The following FAM210A variants were observed in gnomAD, a reference collection of about 807,000 sequenced individuals.
The protein encoded by FAM210A is family with sequence similarity 210 member A.
A neutral mutation model predicts 25.3 loss-of-function variants in FAM210A; 13 were observed. The observed-to-expected ratio is 0.51, with a 90% CI of 0.33 to 0.82. The LOEUF (loss-of-function observed/expected upper bound fraction) is 0.82, where lower values mean the gene tolerates loss of function less well. FAM210A is among the 40% of genes least tolerant of loss of function. FAM210A has a pLI of 0.02. For synonymous variants in FAM210A, 125 were observed against 118.7 expected (o/e 1.05, Z -0.35); for missense variants, 319 against 323.2 (o/e 0.99, Z 0.10).
intron 1 of FAM210A, among the ~76,000 whole-genome samples, chr18:13,719,367 G>A (rs900356330): frequency 3.9e-5 from 6 of 152,222 alleles, no homozygotes; most frequent in Non-Finnish European, 7.3e-5. Context: ...CAAAGGCAAT[G>A]TAGAAGAAGT....
rs1302657558 is a variant in FAM210A at position 13,666,265 on chromosome 18, T to C, written c.*215A>G. On this transcript the variant is annotated 3_prime_UTR_variant, in exon 4 of 4. Transcript: ENST00000651643. Reference sequence around the variant, plus strand: ...AACCACTGCTTAATACTGCTACTGATGGCAAATTCTTAAACTGGGTTCATT... The same window carrying C: ...AACCACTGCTTAATACTGCTACTGACGGCAAATTCTTAAACTGGGTTCATT... 7.4e-6 allele frequency: 4 copies of C among 537,694 alleles called. No individual in the cohort carries two copies. The highest frequency in any genetic ancestry group is 1.0e-5 in the Non-Finnish European group (3 of 300,892). The allele number at this position is 537,694 out of a possible 1,614,324, so 33.3% of individuals were successfully genotyped here.
chr18:13,707,988 G>A (rs992408373), intron 1 of FAM210A, among the ~76,000 whole-genome samples: 4 of 152,088 alleles, frequency 2.6e-5, no homozygotes, highest in African/African-American at 7.2e-5. Context: ...CCCAATTTGC[G>A]AATAGTTCAT....
rs187460101 is a variant in FAM210A, at chr18:13,698,815, C to T, written c.-28-16710G>A. On this transcript the variant is annotated intron_variant, in intron 1 of 3. Coordinates refer to ENST00000651643, the MANE Select transcript of FAM210A (RefSeq NM_152352.4). ...CCTCCGGGGCAGCAAGGCATACCGC[C>T]CAGACCCCTCCCCCCGATACCTATA... 1.8e-3 allele frequency among the ~76,000 whole-genome samples: 270 copies of T among 152,250 alleles called. 2 individuals carry two copies. Among genetic ancestry groups the T allele is most frequent in the African/African-American group, 6.1e-3 (253 of 41,546 alleles).
At chr18:13,673,031 A>G (rs2043456432) in intron 2 of FAM210A, among the ~76,000 whole-genome samples, 1 of 151,652 alleles carries the variant, frequency 6.6e-6, no homozygotes, top group African/African-American at 2.4e-5. Flanking sequence ...GATTATTAAC[A>G]TTCCTGAGCC....
intron 1 of FAM210A, among the ~76,000 whole-genome samples, chr18:13,702,441 C>T (rs568489355): frequency 8.5e-5 from 13 of 152,332 alleles, no homozygotes; most frequent in South Asian, 4.1e-4. Flanking sequence ...TGGTCAGTAA[C>T]GAACTTTGCT....
intron 1 of FAM210A, among the ~76,000 whole-genome samples, chr18:13,715,710 GA>G (rs1294870286): frequency 1.3e-5 from 2 of 152,108 alleles, no homozygotes; most frequent in African/African-American, 2.4e-5. Flanking sequence ...TTTCTTAATG[GA>G]AAAAAGTATA....
Position 13,664,812 on chromosome 18 carries a change from T to G in FAM210A, c.*1668A>C, listed in dbSNP as rs1365203519. 1 of 152,240 alleles carries G rather than the reference T, an allele frequency of 6.6e-6. No individual in the cohort carries two copies. The highest frequency in any genetic ancestry group is 1.5e-5 in the Non-Finnish European group (1 of 68,048). 9.4% of individuals were successfully genotyped at this position (152,240 alleles called of 1,614,324 possible). A position where few individuals can be genotyped will look rare whatever the true frequency, so the allele number is the denominator to read the frequency against. The stretch of plus-strand genomic sequence containing the variant: ...AACTAAGTACTTGATATAAAAATCC[T>G]GGCAAAGAGCAGGGGTCCCTGCGGG... On this transcript the variant is annotated 3_prime_UTR_variant, in exon 4 of 4. Coordinates refer to ENST00000651643, the MANE Select transcript of FAM210A (RefSeq NM_152352.4).
intron 1 of FAM210A, among the ~76,000 whole-genome samples, chr18:13,701,339 T>C (rs1362342441): frequency 1.3e-5 from 2 of 152,198 alleles, no homozygotes; most frequent in African/African-American, 4.8e-5. Context: ...GGGTTCAGGA[T>C]CAGATTAGAT....
At position 13,671,977 on chromosome 18, in the gene FAM210A, CA is replaced by C. The variant is rs369611940; in HGVS notation, c.474-5del. On this transcript the variant is annotated splice_polypyrimidine_tract_variant and splice_region_variant and intron_variant, in intron 2 of 3. Coordinates refer to ENST00000651643, the MANE Select transcript of FAM210A (RefSeq NM_152352.4). The stretch of plus-strand genomic sequence containing the variant: ...AAAAGGAACGACATTCACTCCTCTA[CA>C]AAAAAAAAAAAGTAATTTTCATATG... The C allele has an allele frequency of 0.12, 135,814 of 1,112,032 alleles. 262 individuals are homozygous for C. Among genetic ancestry groups the C allele is most frequent in the South Asian group, 0.16 (9,194 of 58,504 alleles). 68.9% of individuals were successfully genotyped at this position (1,112,032 alleles called of 1,614,324 possible). A position where few individuals can be genotyped will look rare whatever the true frequency, so the allele number is the denominator to read the frequency against.
At chr18:13,666,816 T>C (rs1305611677) in intron 3 of FAM210A, 103 bp from the exon 4 acceptor site, 17 of 993,018 alleles carry the variant, frequency 1.7e-5, no homozygotes, top group Non-Finnish European at 4.5e-6. Context: ...CCCATCAGAA[T>C]AAATTGCCTC....
chr18:13,677,869 G>C (rs947868069), intron 2 of FAM210A, among the ~76,000 whole-genome samples: 1 of 152,144 alleles, frequency 6.6e-6, no homozygotes, highest in African/African-American at 2.4e-5. Flanking sequence ...TTAGGGAAAA[G>C]ATGTCCTACT....
At chr18:13,717,760 T>C (rs2043872244) in intron 1 of FAM210A, among the ~76,000 whole-genome samples, 1 of 152,118 alleles carries the variant, frequency 6.6e-6, no homozygotes, top group African/African-American at 2.4e-5. Flanking sequence ...CACCAGAATG[T>C]CAGGTTTAAA....
intron 1 of FAM210A, chr18:13,687,899 T>C (rs2043610276): frequency 6.6e-6 from 1 of 152,198 alleles, no homozygotes; most frequent in African/African-American, 2.4e-5. Context: ...AGGCAAGAAA[T>C]GAGATTGCTG....
At chr18:13,671,350 A>C (rs1388657030) in intron 3 of FAM210A, among the ~76,000 whole-genome samples, 1 of 152,216 alleles carries the variant, frequency 6.6e-6, no homozygotes. Flanking sequence ...GGTGGCATGC[A>C]GATCACTGAA....
intron 2 of FAM210A, among the ~76,000 whole-genome samples, chr18:13,680,494 GAA>G (rs1275047276): frequency 2.4e-4 from 37 of 152,250 alleles, no homozygotes; most frequent in Middle Eastern, 3.4e-3. Context: ...AATCCTTTTA[GAA>G]ATTTTGTCAA....
At chr18:13,669,705 G>A (rs2043427261) in intron 3 of FAM210A, among the ~76,000 whole-genome samples, 1 of 152,152 alleles carries the variant, frequency 6.6e-6, no homozygotes, top group South Asian at 2.1e-4. Flanking sequence ...TCAGCCCTAT[G>A]AGGCAGGTAT....
At position 13,664,210 on chromosome 18, in the gene FAM210A, T is replaced by G. The variant is rs1207081376; in HGVS notation, c.*2270A>C. 3 of 152,342 alleles carry G rather than the reference T, an allele frequency of 2.0e-5. No individual in the cohort carries two copies. In the East Asian group the frequency reaches 5.8e-4, roughly 29 times the overall value. The allele number at this position is 152,342 out of a possible 1,614,324, so 9.4% of individuals were successfully genotyped here. Reference sequence around the variant, plus strand: ...ATATCATTCAAGCAGTAACTCATTGTCTATTAGACTAACACAACATGATCA... The same window carrying G: ...ATATCATTCAAGCAGTAACTCATTGGCTATTAGACTAACACAACATGATCA... On this transcript the variant is annotated 3_prime_UTR_variant, in exon 4 of 4. Transcript: ENST00000651643.
intron 1 of FAM210A, among the ~76,000 whole-genome samples, chr18:13,716,256 T>C (rs2043860741): frequency 1.3e-5 from 2 of 152,198 alleles, no homozygotes; most frequent in Non-Finnish European, 2.9e-5. Context: ...ATGGAAAGTG[T>C]TGGCTGCCTA....
At chr18:13,679,661 C>T (rs186084360) in intron 2 of FAM210A, among the ~76,000 whole-genome samples, 3 of 152,172 alleles carry the variant, frequency 2.0e-5, no homozygotes, top group East Asian at 3.9e-4. Flanking sequence ...TCTAGCAACC[C>T]GATTCCTATG....
Sources: gnomAD v4.1 joint callset for allele counts (sites outside exome capture counted in the v4.1 genomes callset) on GRCh38, gnomAD v4.1.1 for gene constraint, MANE v1.5 for transcripts, NCBI Gene and HGNC (gene_info 2026-07-23, HGNC 2026-07-21) for gene names.